The following FSTL5 variants were observed in gnomAD, a reference collection of about 807,000 sequenced individuals.
The protein encoded by FSTL5 is follistatin-related protein 5.
Under a neutral mutation model 89.1 loss-of-function variants are expected in FSTL5, and 62 were observed. The ratio of observed to expected loss-of-function variants is 0.70; its 90% CI spans 0.57 to 0.86. FSTL5 has a LOEUF of 0.86. Among genes scored for constraint, FSTL5 ranks in the 40% least tolerant of loss-of-function variants. The pLI is 0.00. For synonymous variants in FSTL5, 383 were observed against 346.2 expected (o/e 1.11, Z -1.18); for missense variants, 1,057 against 1,001.6 (o/e 1.06, Z -0.75).
chr4:162,068,255 G>T (rs1729427745), intron 2 of FSTL5, among the ~76,000 whole-genome samples: 1 of 152,036 alleles, frequency 6.6e-6, no homozygotes, highest in South Asian at 2.1e-4. Context: ...GCAATCCTAA[G>T]CAAAAAGAAC....
intron 3 of FSTL5, among the ~76,000 whole-genome samples, chr4:161,979,490 T>C (rs1328429780): frequency 6.6e-6 from 1 of 152,102 alleles, no homozygotes; most frequent in African/African-American, 2.4e-5. Flanking sequence ...TTTATTAGCT[T>C]GTCTTAAAAA....
At position 161,621,484 on chromosome 4, in the gene FSTL5, CCT is replaced by C. The variant is rs1447497170; in HGVS notation, c.895-33911_895-33910del. Among the ~76,000 whole-genome samples, 11 of 152,200 alleles carry C rather than the reference CCT, an allele frequency of 7.2e-5. No homozygotes were observed. The East Asian group carries it at 2.1e-3, about 29-fold the overall frequency. ...ATTTAACTTAAACTAGCTAAGATCTCCTCTCAACAAAGTTTTAGAACAAACCA... is the reference window on the plus strand; with the variant it reads ...ATTTAACTTAAACTAGCTAAGATCTCCTCAACAAAGTTTTAGAACAAACCA... On this transcript the variant is annotated intron_variant, in intron 7 of 15. Transcript: ENST00000306100.
At chr4:161,437,411 CA>C (rs1732596829) in intron 15 of FSTL5, among the ~76,000 whole-genome samples, 1 of 151,420 alleles carries the variant, frequency 6.6e-6, no homozygotes, top group Non-Finnish European at 1.5e-5. Context: ...CTGAAAAATA[CA>C]AAAAATTCGC....
At chr4:161,511,277 T>C (rs1730643913) in intron 10 of FSTL5, among the ~76,000 whole-genome samples, 1 of 152,138 alleles carries the variant, frequency 6.6e-6, no homozygotes, top group Non-Finnish European at 1.5e-5. Context: ...AACCCACATG[T>C]GTATGTTTTA....
intron 8 of FSTL5, among the ~76,000 whole-genome samples, chr4:161,572,901 T>C (rs1405067675): frequency 6.6e-6 from 1 of 152,130 alleles, no homozygotes; most frequent in Non-Finnish European, 1.5e-5. Flanking sequence ...ACATAGAGCA[T>C]TAAAAAGACA....
intron 6 of FSTL5, among the ~76,000 whole-genome samples, chr4:161,719,043 T>C (rs977860395): frequency 2.6e-5 from 4 of 152,186 alleles, no homozygotes; most frequent in African/African-American, 9.7e-5. Flanking sequence ...ATCGAAATAA[T>C]TAATATACAA....
intron 2 of FSTL5, among the ~76,000 whole-genome samples, chr4:162,059,086 T>C (rs1046439007): frequency 2.0e-5 from 3 of 152,160 alleles, no homozygotes; most frequent in Admixed American, 6.6e-5. Flanking sequence ...AAATGATTAA[T>C]ACTTAAAGGG....
chr4:161,812,424 G>A (rs936806281), intron 4 of FSTL5, among the ~76,000 whole-genome samples: 3 of 152,040 alleles, frequency 2.0e-5, no homozygotes, highest in Non-Finnish European at 4.4e-5. Context: ...ACTGACTGGG[G>A]AGAAATCCCA....
intron 13 of FSTL5, among the ~76,000 whole-genome samples, chr4:161,475,412 A>G (rs961978431): frequency 2.0e-5 from 3 of 152,070 alleles, no homozygotes; most frequent in Non-Finnish European, 4.4e-5. Context: ...TGAGTCTCAC[A>G]GGTCCCTTAG....
intron 8 of FSTL5, among the ~76,000 whole-genome samples, chr4:161,563,922 A>G (rs1732702448): frequency 6.6e-6 from 1 of 152,006 alleles, no homozygotes; most frequent in Non-Finnish European, 1.5e-5. Context: ...AAGAAAAAAC[A>G]ACACAAAAAT....
intron 2 of FSTL5, among the ~76,000 whole-genome samples, chr4:162,101,305 A>G (rs1419297887): frequency 6.6e-6 from 1 of 152,224 alleles, no homozygotes; most frequent in Non-Finnish European, 1.5e-5. Flanking sequence ...AGGGTAAGTC[A>G]AACTGTGTAT....
chr4:162,011,850 C>T (rs572641391), intron 3 of FSTL5, among the ~76,000 whole-genome samples: 38 of 152,196 alleles, frequency 2.5e-4, no homozygotes, highest in Admixed American at 1.8e-3. Flanking sequence ...CATTTGTTTT[C>T]AAGTGCCACA....
intron 7 of FSTL5, among the ~76,000 whole-genome samples, chr4:161,642,707 A>G (rs1736006677): frequency 6.6e-6 from 1 of 152,224 alleles, no homozygotes; most frequent in Admixed American, 6.5e-5. Flanking sequence ...GTACCCAAAG[A>G]GAAATACTGT....
intron 6 of FSTL5, among the ~76,000 whole-genome samples, chr4:161,674,185 G>GAT (rs1737220201): frequency 1.3e-5 from 2 of 151,920 alleles, no homozygotes. Context: ...CAGATATACA[G>GAT]ATATATAAAC....
intron 2 of FSTL5, among the ~76,000 whole-genome samples, chr4:162,067,533 C>T (rs1465348982): frequency 2.0e-5 from 3 of 152,032 alleles, no homozygotes; most frequent in South Asian, 4.1e-4. Context: ...TCTCAATCAA[C>T]TCAGTATTTA....
At chr4:161,507,187 A>C (rs1324413453) in intron 11 of FSTL5, among the ~76,000 whole-genome samples, 1 of 152,020 alleles carries the variant, frequency 6.6e-6, no homozygotes, top group East Asian at 1.9e-4. Context: ...CCTTCAGTGA[A>C]TCAAATAATT....
At chr4:162,143,785 T>TACACAC (rs70946245) in intron 1 of FSTL5, among the ~76,000 whole-genome samples, 2,125 of 138,576 alleles carry the variant, frequency 0.015, 55 homozygotes, top group African/African-American at 0.052. Context: ...TGACTTTAAA[T>TACACAC]ACACACACAC....
chr4:161,545,633 C>T (rs1181256431), intron 8 of FSTL5, among the ~76,000 whole-genome samples: 1 of 151,806 alleles, frequency 6.6e-6, no homozygotes, highest in East Asian at 1.9e-4. Context: ...TATTGTGGTC[C>T]CACAATAATT....
At chr4:161,950,717 C>T (rs1734869561) in intron 3 of FSTL5, among the ~76,000 whole-genome samples, 1 of 152,112 alleles carries the variant, frequency 6.6e-6, no homozygotes, top group African/African-American at 2.4e-5. Context: ...CTACAATGGG[C>T]TCTAAGTGCC....
Sources: gnomAD v4.1 joint callset for allele counts (sites outside exome capture counted in the v4.1 genomes callset) on GRCh38, gnomAD v4.1.1 for gene constraint, MANE v1.5 for transcripts, NCBI Gene and HGNC (gene_info 2026-07-23, HGNC 2026-07-21) for gene names.